The following AKAP19 variants were observed in gnomAD, a reference collection of about 807,000 sequenced individuals.
AKAP19 encodes A-kinase anchoring protein 19.
At chr2:189,912,949 G>A in the AKAP19 span, among the ~76,000 whole-genome samples, 2 of 152,110 alleles carry the variant, frequency 1.3e-5, no homozygotes, top group South Asian at 2.1e-4. Flanking sequence ...ACACTGTACC[G>A]CAAAGCTGTA....
At chr2:190,079,006 A>AC in the AKAP19 span, among the ~76,000 whole-genome samples, 30,539 of 152,102 alleles carry the variant, frequency 0.2, 3,877 homozygotes, top group Non-Finnish European at 0.29. Flanking sequence ...ATGAAAAAAA[A>AC]CATTTCATTT....
chr2:190,060,811 T>TA, the AKAP19 span, among the ~76,000 whole-genome samples: 13 of 151,934 alleles, frequency 8.6e-5, no homozygotes, highest in Admixed American at 5.3e-4. Context: ...TCTGAGTAGT[T>TA]ACACTTACTG....
the AKAP19 span, among the ~76,000 whole-genome samples, chr2:190,133,408 G>A: frequency 1.3e-5 from 2 of 152,128 alleles, no homozygotes; most frequent in Admixed American, 6.5e-5. Context: ...CACCTATTAG[G>A]ATGGCTATTA....
the AKAP19 span, chr2:190,060,147 G>A: frequency 6.2e-7 from 1 of 1,612,904 alleles, no homozygotes; most frequent in Non-Finnish European, 8.5e-7. Flanking sequence ...GCCTAAGTTG[G>A]ATTCAGGTTG....
At chr2:190,191,936 T>C in the AKAP19 span, among the ~76,000 whole-genome samples, 2 of 152,198 alleles carry the variant, frequency 1.3e-5, no homozygotes, top group African/African-American at 4.8e-5. Context: ...AACTGTGTTT[T>C]TTTTTCCAGA....
chr2:190,062,230 T>A, the AKAP19 span: 1 of 1,612,906 alleles, frequency 6.2e-7, no homozygotes, highest in South Asian at 1.1e-5. Context: ...TTACACTCTG[T>A]AGGCATGGTA....
At chr2:190,153,561 TG>T in the AKAP19 span, among the ~76,000 whole-genome samples, 903 of 152,294 alleles carry the variant, frequency 5.9e-3, 6 homozygotes, top group African/African-American at 0.02. Context: ...AATAGTATAA[TG>T]TTTTCATCAA....
chr2:190,093,573 AT>A, the AKAP19 span, among the ~76,000 whole-genome samples: 1 of 152,190 alleles, frequency 6.6e-6, no homozygotes, highest in African/African-American at 2.4e-5. Flanking sequence ...AGAAATAAAG[AT>A]TTGTACTCTT....
the AKAP19 span, among the ~76,000 whole-genome samples, chr2:189,978,431 G>A: frequency 1.3e-5 from 2 of 152,072 alleles, no homozygotes; most frequent in Non-Finnish European, 2.9e-5. Context: ...GACCAGCCTG[G>A]CCAACATGGT....
At chr2:190,055,431 TAACA>T in the AKAP19 span, among the ~76,000 whole-genome samples, 2 of 152,064 alleles carry the variant, frequency 1.3e-5, no homozygotes, top group South Asian at 4.2e-4. Context: ...TATACATATG[TAACA>T]AACCTGCACG....
chr2:190,135,180 G>C, the AKAP19 span, among the ~76,000 whole-genome samples: 3 of 152,088 alleles, frequency 2.0e-5, no homozygotes, highest in Admixed American at 1.3e-4. Flanking sequence ...TTTTTTCCCA[G>C]TAACTTCTCA....
the AKAP19 span, among the ~76,000 whole-genome samples, chr2:190,035,766 T>A: frequency 6.6e-6 from 1 of 152,262 alleles, no homozygotes; most frequent in African/African-American, 2.4e-5. Context: ...TTTCTTGTTG[T>A]TGTTCAGTTG....
At chr2:189,883,046 T>C in the AKAP19 span, among the ~76,000 whole-genome samples, 3 of 152,264 alleles carry the variant, frequency 2.0e-5, no homozygotes, top group South Asian at 2.1e-4. Context: ...TACAAATTAA[T>C]GTAGAGATAT....
the AKAP19 span, among the ~76,000 whole-genome samples, chr2:190,136,717 C>T: frequency 2.8e-5 from 4 of 144,428 alleles, no homozygotes; most frequent in Admixed American, 2.2e-4. Flanking sequence ...TGACCAATCT[C>T]CCACATTTAA....
chr2:190,114,124 A>T, the AKAP19 span, among the ~76,000 whole-genome samples: 1 of 152,214 alleles, frequency 6.6e-6, no homozygotes, highest in Non-Finnish European at 1.5e-5. Flanking sequence ...CCGCAAACAA[A>T]TCAATGAGCT....
At chr2:189,960,815 C>T in the AKAP19 span, among the ~76,000 whole-genome samples, 5 of 152,080 alleles carry the variant, frequency 3.3e-5, no homozygotes, top group Admixed American at 1.3e-4. Flanking sequence ...TACTTAACTC[C>T]CTTGTTAGTT....
the AKAP19 span, among the ~76,000 whole-genome samples, chr2:190,188,948 T>C: frequency 6.6e-6 from 1 of 152,200 alleles, no homozygotes; most frequent in Non-Finnish European, 1.5e-5. Context: ...CAGCATGCCA[T>C]GAGCAATTCC....
the AKAP19 span, among the ~76,000 whole-genome samples, chr2:190,087,978 A>G: frequency 4.6e-5 from 7 of 152,190 alleles, no homozygotes; most frequent in Admixed American, 2.0e-4. Context: ...CCGGACACAC[A>G]CAAAAAAGTA....
the AKAP19 span, among the ~76,000 whole-genome samples, chr2:189,902,837 G>A: frequency 6.6e-6 from 1 of 151,346 alleles, no homozygotes; most frequent in Non-Finnish European, 1.5e-5. Context: ...AAGGTTATCG[G>A]TTTCACTGTA....
Sources: gnomAD v4.1 joint callset for allele counts (sites outside exome capture counted in the v4.1 genomes callset) on GRCh38, gnomAD v4.1.1 for gene constraint, MANE v1.5 for transcripts, NCBI Gene and HGNC (gene_info 2026-07-23, HGNC 2026-07-21) for gene names.